WDR7: variants seen among roughly 807,000 people sequenced by gnomAD.
The protein encoded by WDR7 is WD repeat-containing protein 7.
A neutral mutation model predicts 169.4 loss-of-function variants in WDR7; 46 were observed. That is an observed-to-expected ratio of 0.27 (90% CI 0.21 to 0.35). WDR7 has a LOEUF of 0.35. WDR7 is among the 10% of genes least tolerant of loss of function. WDR7 has a pLI of 1.00. For missense variants in WDR7, 1,534 were observed against 1,859.3 expected (o/e 0.83, Z 3.22); for synonymous variants, 612 against 666.8 (o/e 0.92, Z 1.27).
intron 21 of WDR7, among the ~76,000 whole-genome samples, chr18:56,890,670 G>A (rs1439390222): frequency 6.6e-6 from 1 of 152,154 alleles, no homozygotes; most frequent in African/African-American, 2.4e-5. Context: ...TTGCATTTCT[G>A]TTTGATTTCC....
At chr18:56,749,092 G>A (rs1209194404) in intron 14 of WDR7, among the ~76,000 whole-genome samples, 2 of 151,822 alleles carry the variant, frequency 1.3e-5, no homozygotes, top group African/African-American at 2.4e-5. Flanking sequence ...TTTTTATTCA[G>A]TGACCGTTTT....
At chr18:56,976,123 A>T (rs1195933289) in intron 26 of WDR7, among the ~76,000 whole-genome samples, 2 of 152,230 alleles carry the variant, frequency 1.3e-5, no homozygotes, top group Non-Finnish European at 2.9e-5. Context: ...AAATGATCCC[A>T]GCACAGTCGA....
intron 1 of WDR7, among the ~76,000 whole-genome samples, chr18:56,656,018 T>G (rs1021089908): frequency 1.6e-4 from 24 of 152,214 alleles, no homozygotes; most frequent in African/African-American, 5.8e-4. Context: ...TTTTAATTTT[T>G]GGCTGTTACA....
At chr18:56,979,038 A>C (rs945055262) in intron 26 of WDR7, among the ~76,000 whole-genome samples, 4 of 152,122 alleles carry the variant, frequency 2.6e-5, no homozygotes, top group Non-Finnish European at 5.9e-5. Flanking sequence ...GATGAGTGGA[A>C]TTTGATTTTT....
chr18:56,900,731 TA>T (rs150134725), intron 21 of WDR7, among the ~76,000 whole-genome samples: 44 of 152,306 alleles, frequency 2.9e-4, no homozygotes, highest in Non-Finnish European at 6.0e-4. Context: ...AGCTTGTTGC[TA>T]ATCTGGAAGT....
intron 2 of WDR7, among the ~76,000 whole-genome samples, chr18:56,676,545 T>C (rs1425910715): frequency 6.6e-6 from 1 of 152,242 alleles, no homozygotes; most frequent in Non-Finnish European, 1.5e-5. Flanking sequence ...TGTGTATCCA[T>C]TGTATGTTTT....
intron 26 of WDR7, among the ~76,000 whole-genome samples, chr18:56,978,686 CCATTTAG>C (rs2047600588): frequency 6.6e-6 from 1 of 152,144 alleles, no homozygotes; most frequent in Admixed American, 6.5e-5. Flanking sequence ...CTGGGCATTG[CCATTTAG>C]CATTGTTCTT....
chr18:56,837,765 A>G (rs1240064026), intron 20 of WDR7, among the ~76,000 whole-genome samples: 2 of 152,024 alleles, frequency 1.3e-5, no homozygotes, highest in African/African-American at 4.8e-5. Context: ...GGTGCAAGCT[A>G]TTCTCCTGCC....
chr18:56,663,853 G>C (rs952150068), intron 1 of WDR7, among the ~76,000 whole-genome samples: 2 of 151,766 alleles, frequency 1.3e-5, no homozygotes, highest in African/African-American at 4.8e-5. Flanking sequence ...AAATTTTAAA[G>C]TCATATCAAA....
At chr18:57,017,340 A>T (rs746739803) in intron 26 of WDR7, among the ~76,000 whole-genome samples, 1 of 152,194 alleles carries the variant, frequency 6.6e-6, no homozygotes, top group Non-Finnish European at 1.5e-5. Context: ...TGTCAGCTGC[A>T]GTCAGCACTC....
intron 13 of WDR7, among the ~76,000 whole-genome samples, chr18:56,730,997 T>G (rs1296557524): frequency 6.6e-6 from 1 of 152,150 alleles, no homozygotes; most frequent in East Asian, 1.9e-4. Flanking sequence ...TAGTAAGACT[T>G]TTTTCGTTTA....
At chr18:56,662,193 C>T (rs538158178) in intron 1 of WDR7, among the ~76,000 whole-genome samples, 1 of 152,294 alleles carries the variant, frequency 6.6e-6, no homozygotes, top group East Asian at 1.9e-4. Context: ...AGGGGGCCTG[C>T]CTGGGACACA....
At chr18:57,009,659 A>G (rs1232354378) in intron 26 of WDR7, among the ~76,000 whole-genome samples, 1 of 152,218 alleles carries the variant, frequency 6.6e-6, no homozygotes, top group Non-Finnish European at 1.5e-5. Context: ...ATCCAAAGGT[A>G]TGGTAATGTT....
chr18:56,848,454 G>T (rs2045597188), intron 20 of WDR7, among the ~76,000 whole-genome samples: 1 of 152,172 alleles, frequency 6.6e-6, no homozygotes, highest in Admixed American at 6.5e-5. Flanking sequence ...AACGAGTTAA[G>T]ACTTTAGAGG....
At chr18:56,982,039 T>C (rs2047653366) in intron 26 of WDR7, among the ~76,000 whole-genome samples, 3 of 152,192 alleles carry the variant, frequency 2.0e-5, no homozygotes, top group Admixed American at 6.5e-5. Flanking sequence ...TACTGATCAG[T>C]GTTAACACTA....
intron 21 of WDR7, among the ~76,000 whole-genome samples, chr18:56,905,235 A>G (rs2145578980): frequency 6.6e-6 from 1 of 152,112 alleles, no homozygotes; most frequent in African/African-American, 2.4e-5. Context: ...CCCAACCTCC[A>G]CCTCCTGGGT....
chr18:56,966,484 AT>A (rs1244630875), intron 26 of WDR7, among the ~76,000 whole-genome samples: 7 of 151,984 alleles, frequency 4.6e-5, no homozygotes, highest in Admixed American at 4.6e-4. Flanking sequence ...TGATTTTAAT[AT>A]TTTCTTTTCT....
At chr18:56,943,948 G>C (rs2047065629) in intron 25 of WDR7, among the ~76,000 whole-genome samples, 1 of 145,018 alleles carries the variant, frequency 6.9e-6, no homozygotes, top group Non-Finnish European at 1.5e-5. Context: ...ACCTTCACCA[G>C]TGGGCTTGTA....
At chr18:56,679,469 CAT>C (rs775880541) in intron 3 of WDR7, 31 bp downstream of exon 3, 1 of 1,546,476 alleles carries the variant, frequency 6.5e-7, no homozygotes, top group Admixed American at 1.7e-5. Flanking sequence ...CTCTTTTTCT[CAT>C]GAGTCTTTAT....
Sources: gnomAD v4.1 joint callset for allele counts (sites outside exome capture counted in the v4.1 genomes callset) on GRCh38, gnomAD v4.1.1 for gene constraint, MANE v1.5 for transcripts, NCBI Gene and HGNC (gene_info 2026-07-23, HGNC 2026-07-21) for gene names.